The following DLG2 variants were observed in gnomAD, a reference collection of about 807,000 sequenced individuals.
DLG2 encodes discs large MAGUK scaffold protein 2.
DLG2 carries 45 observed loss-of-function variants against 132.5 expected under a neutral mutation model. That is an observed-to-expected ratio of 0.34 (90% confidence interval 0.27 to 0.44). DLG2 has a LOEUF of 0.44. Among genes scored for constraint, DLG2 ranks in the 20% least tolerant of loss-of-function variants. The pLI, the probability that DLG2 is intolerant of heterozygous loss-of-function variation, is 1.00. For synonymous variants in DLG2, 424 were observed against 419.6 expected (o/e 1.01, Z -0.13); for missense variants, 1,045 against 1,196.9 (o/e 0.87, Z 1.87).
chr11:84,829,807 A>G (rs1463426966), intron 6 of DLG2, among the ~76,000 whole-genome samples: 1 of 151,724 alleles, frequency 6.6e-6, no homozygotes, highest in East Asian at 2.0e-4. Context: ...TTATTTATGG[A>G]AAAAGTGATC....
intron 3 of DLG2, among the ~76,000 whole-genome samples, chr11:85,426,902 C>T (rs1421008936): frequency 6.6e-6 from 1 of 152,122 alleles, no homozygotes; most frequent in Non-Finnish European, 1.5e-5. Flanking sequence ...GAATGGCTAA[C>T]TAGAATAACC....
intron 6 of DLG2, among the ~76,000 whole-genome samples, chr11:85,058,771 G>A (rs1325983197): frequency 6.6e-6 from 1 of 151,274 alleles, no homozygotes; most frequent in African/African-American, 2.4e-5. Flanking sequence ...AATTAAATGG[G>A]GGAAAAGGTG....
chr11:84,061,861 A>G (rs936530756), intron 10 of DLG2, among the ~76,000 whole-genome samples: 2 of 151,838 alleles, frequency 1.3e-5, no homozygotes, highest in Non-Finnish European at 2.9e-5. Context: ...CAAAAAAAAA[A>G]AAAAAAAAGG....
chr11:85,206,758 G>A lies in DLG2; in HGVS notation c.187-52107C>T, dbSNP rs531134263. 1.1e-4 allele frequency among the ~76,000 whole-genome samples: 16 copies of A among 152,098 alleles called. No homozygotes were observed. In the East Asian group the frequency reaches 2.9e-3, roughly 28 times the overall value. On this transcript the variant is annotated intron_variant, in intron 4 of 27. Transcript: ENST00000376104. ...TGAGGAAGGGGAATTGCTTGAACCCGGGAGGCAGAGCTTGCAGTGAGACGA... is the reference window on the plus strand; with the variant it reads ...TGAGGAAGGGGAATTGCTTGAACCCAGGAGGCAGAGCTTGCAGTGAGACGA...
At chr11:84,195,978 A>C (rs1298042364) in intron 8 of DLG2, among the ~76,000 whole-genome samples, 1 of 152,212 alleles carries the variant, frequency 6.6e-6, no homozygotes, top group Non-Finnish European at 1.5e-5. Flanking sequence ...TACATGTTGG[A>C]TGAGGAAATA....
intron 7 of DLG2, among the ~76,000 whole-genome samples, chr11:84,294,669 G>T (rs767123724): frequency 6.6e-6 from 1 of 152,026 alleles, no homozygotes. Flanking sequence ...GGAATATAAC[G>T]CCATATTTTT....
In DLG2 at chr11:84,299,043, C is replaced by A. The variant is rs549088818; in HGVS notation, c.520-47752G>T. 3.9e-5 allele frequency among the ~76,000 whole-genome samples: 6 copies of A among 152,306 alleles called. No homozygotes were observed. The South Asian group carries it at 1.2e-3, about 32-fold the overall frequency. On this transcript the variant is annotated intron_variant, in intron 7 of 27. Transcript: ENST00000376104. Reference sequence around the variant, plus strand: ...TCACGAAAAAGGGATTTCATTATCACACACATTTAAGAAACGTTCCACATA... The same window carrying A: ...TCACGAAAAAGGGATTTCATTATCAAACACATTTAAGAAACGTTCCACATA...
intron 6 of DLG2, among the ~76,000 whole-genome samples, chr11:84,554,798 A>C (rs185769132): frequency 1.3e-5 from 2 of 152,300 alleles, no homozygotes; most frequent in African/African-American, 4.8e-5. Flanking sequence ...AAGATGCTCC[A>C]AGAGAGCACA....
At chr11:84,890,599 T>G (rs1043070974) in intron 6 of DLG2, 6 of 152,084 alleles carry the variant, frequency 3.9e-5, no homozygotes, top group African/African-American at 9.7e-5. Flanking sequence ...GTCATTATGG[T>G]TTTTCCTGTG....
At chr11:83,531,105 G>C (rs899223614) in intron 21 of DLG2, among the ~76,000 whole-genome samples, 59 of 151,794 alleles carry the variant, frequency 3.9e-4, no homozygotes, top group African/African-American at 1.4e-3. Context: ...ATTAGGCAAT[G>C]GTTTCTTAGA....
At chr11:84,957,649 T>G (rs2051896361) in intron 6 of DLG2, among the ~76,000 whole-genome samples, 1 of 152,220 alleles carries the variant, frequency 6.6e-6, no homozygotes, top group South Asian at 2.1e-4. Context: ...TACATTGAGT[T>G]GTTTACAAAT....
rs1314729657 is a variant in DLG2 at position 83,459,417 on chromosome 11, G to A, written c.*401C>T. 6.4e-6 allele frequency: 1 copy of A among 156,524 alleles called. No individual in the cohort carries two copies. The highest frequency in any genetic ancestry group is 1.4e-5 in the Non-Finnish European group (1 of 70,696). The allele number at this position is 156,524 out of a possible 1,614,324, so 9.7% of individuals were successfully genotyped here. A position where few individuals can be genotyped will look rare whatever the true frequency, so the allele number is the denominator to read the frequency against. On this transcript the variant is annotated 3_prime_UTR_variant, in exon 28 of 28. Coordinates refer to ENST00000376104, the MANE Select transcript of DLG2 (RefSeq NM_001142699.3). ...AATTCAAAGTGTACCAATTACAGAT[G>A]TGGGTAATGGGAAGGCTGATGAGGT... is the stretch of plus-strand genomic sequence containing the variant.
At chr11:84,553,187 G>T (rs893049323) in intron 6 of DLG2, among the ~76,000 whole-genome samples, 4 of 152,054 alleles carry the variant, frequency 2.6e-5, no homozygotes, top group Admixed American at 1.3e-4. Context: ...CCCCCAAAAT[G>T]TGGTTTACCT....
intron 4 of DLG2, among the ~76,000 whole-genome samples, chr11:85,209,947 T>C (rs1438110659): frequency 6.6e-6 from 1 of 151,994 alleles, no homozygotes; most frequent in Non-Finnish European, 1.5e-5. Flanking sequence ...AATATCTCCC[T>C]TTTTCATAAC....
intron 6 of DLG2, among the ~76,000 whole-genome samples, chr11:84,549,062 C>T (rs969324022): frequency 1.6e-4 from 25 of 152,172 alleles, no homozygotes; most frequent in Admixed American, 2.6e-4. Context: ...GAAAAATTCT[C>T]TAGTCCTGGA....
At chr11:84,777,145 A>G (rs1375334457) in intron 6 of DLG2, among the ~76,000 whole-genome samples, 1 of 151,414 alleles carries the variant, frequency 6.6e-6, no homozygotes, top group East Asian at 1.9e-4. Context: ...AACATGCAAT[A>G]TTTGACTTTC....
chr11:84,956,746 T>C (rs1031241166), intron 6 of DLG2, among the ~76,000 whole-genome samples: 10 of 152,012 alleles, frequency 6.6e-5, no homozygotes, highest in East Asian at 1.9e-4. Flanking sequence ...CTCCAACCAA[T>C]AGATTAAAAA....
At chr11:84,066,954 A>G (rs2096683267) in intron 10 of DLG2, among the ~76,000 whole-genome samples, 2 of 152,290 alleles carry the variant, frequency 1.3e-5, no homozygotes, top group Non-Finnish European at 1.5e-5. Flanking sequence ...AAGCTGATCA[A>G]TGTTTAATGT....
intron 8 of DLG2, among the ~76,000 whole-genome samples, chr11:84,204,673 T>A (rs1000223663): frequency 6.6e-6 from 1 of 152,188 alleles, no homozygotes; most frequent in Admixed American, 6.5e-5. Context: ...ATAAAAACAC[T>A]CTACAATGCT....
Sources: allele counts gnomAD v4.1 joint callset (sites outside exome capture counted in the v4.1 genomes callset), GRCh38; gene constraint gnomAD v4.1.1; transcripts MANE v1.5; gene names NCBI Gene and HGNC (gene_info 2026-07-23, HGNC 2026-07-21).